ILDR2: variants seen among roughly 807,000 people sequenced by gnomAD.
ILDR2 encodes the protein immunoglobulin like domain containing receptor 2, also known as immunoglobulin-like domain-containing receptor 2.
ILDR2 carries 25 observed loss-of-function variants against 66.8 expected under a neutral mutation model. The ratio of observed to expected loss-of-function variants is 0.37; its 90% CI spans 0.27 to 0.52. The LOEUF (loss-of-function observed/expected upper bound fraction) is 0.52, where lower values mean the gene tolerates loss of function less well. Ranked by LOEUF, ILDR2 falls within the 20% of genes least tolerant of loss-of-function variation. The probability of loss-of-function intolerance (pLI) is 0.88; values close to 1 mark genes in which losing one functional copy is unlikely to be tolerated. For missense variants in ILDR2, 827 were observed against 876.8 expected (o/e 0.94, Z 0.72); for synonymous variants, 367 against 357.2 (o/e 1.03, Z -0.31).
chr1:166,915,524 T>C lies in ILDR2; in HGVS notation c.*3831A>G, dbSNP rs1470118899. On this transcript the variant is annotated 3_prime_UTR_variant, in exon 10 of 10. Coordinates refer to ENST00000271417, the MANE Select transcript of ILDR2 (RefSeq NM_199351.3). The stretch of plus-strand genomic sequence containing the variant: ...TTAACAGCAGCTATCAAGTTAATTC[T>C]TGTGGTTAGGCAATTTTGGGAAACA... 6.6e-6 allele frequency: 1 copy of C among 152,264 alleles called. No individual in the cohort carries two copies. The highest frequency in any genetic ancestry group is 2.4e-5 in the African/African-American group (1 of 41,470). The allele number at this position is 152,264 out of a possible 1,614,324, so 9.4% of individuals were successfully genotyped here. A position where few individuals can be genotyped will look rare whatever the true frequency, so the allele number is the denominator to read the frequency against.
chr1:166,969,629 G>A (rs552988938), intron 1 of ILDR2, among the ~76,000 whole-genome samples: 8 of 152,216 alleles, frequency 5.3e-5, no homozygotes, highest in South Asian at 4.2e-4. Context: ...ATTTCATTAC[G>A]AAAAACTAAC....
chr1:166,927,279 A>C (rs535497991), intron 6 of ILDR2, 99 bp from the exon 7 acceptor site: 2 of 728,622 alleles, frequency 2.7e-6, no homozygotes, highest in East Asian at 5.0e-5. Context: ...GTTTCCAATT[A>C]TAACAACTCT....
intron 1 of ILDR2, among the ~76,000 whole-genome samples, chr1:166,965,470 G>A (rs147614861): frequency 6.1e-4 from 92 of 151,758 alleles, no homozygotes; most frequent in African/African-American, 1.5e-3. Flanking sequence ...GTAGGCACCC[G>A]TAAAGTTTCA....
chr1:166,972,460 A>C (rs567764593), intron 1 of ILDR2, among the ~76,000 whole-genome samples: 1 of 152,342 alleles, frequency 6.6e-6, no homozygotes, highest in Admixed American at 6.5e-5. Flanking sequence ...CTGTTGCTAA[A>C]ATAGCAGCTG....
rs541053844 is a variant in ILDR2, at chr1:166,934,816, C to T, written c.880+485G>A. Among the ~76,000 whole-genome samples the T allele has an allele frequency of 3.3e-5, 5 of 152,326 alleles. No individual in the cohort carries two copies. The East Asian group carries it at 9.6e-4, about 29-fold the overall frequency. On this transcript the variant is annotated intron_variant, in intron 6 of 9. Transcript: ENST00000271417. Reference sequence around the variant, plus strand: ...GGCTCAGCTCAAATTTCACCTCCTCCCTGAAGATTTTGTGACCAGTCCAGT... The same window carrying T: ...GGCTCAGCTCAAATTTCACCTCCTCTCTGAAGATTTTGTGACCAGTCCAGT...
At chr1:166,898,679 A>ATTTACTT (rs1289514240) in intron 2 of ILDR2, among the ~76,000 whole-genome samples, 1 of 152,196 alleles carries the variant, frequency 6.6e-6, no homozygotes, top group African/African-American at 2.4e-5. Context: ...TGATGAGATC[A>ATTTACTT]TTTACTTTTC....
chr1:166,900,651 G>A (rs1232412983), intron 2 of ILDR2, among the ~76,000 whole-genome samples: 2 of 152,146 alleles, frequency 1.3e-5, no homozygotes, highest in Admixed American at 1.3e-4. Context: ...TGGCAAAGAC[G>A]GGATTTGAAT....
chr1:166,927,289 T>C, intron 6 of ILDR2, 109 bp from the exon 7 acceptor site: 1 of 692,090 alleles, frequency 1.4e-6, no homozygotes, highest in Admixed American at 2.5e-5. Context: ...ATAACAACTC[T>C]TTTTGAAATC....
intron 2 of ILDR2, among the ~76,000 whole-genome samples, chr1:166,897,597 G>C (rs568674955): frequency 6.6e-6 from 1 of 152,202 alleles, no homozygotes; most frequent in Non-Finnish European, 1.5e-5. Flanking sequence ...TGGAGATTGA[G>C]TTCAATCACA....
chr1:166,952,531 C>A (rs1393696662), intron 3 of ILDR2, among the ~76,000 whole-genome samples: 1 of 152,138 alleles, frequency 6.6e-6, no homozygotes, highest in Admixed American at 6.5e-5. Context: ...TTGGATATTT[C>A]TGAAACCACT....
chr1:166,956,640 T>C (rs1662299759), intron 3 of ILDR2, 93 bp downstream of exon 3: 2 of 1,400,140 alleles, frequency 1.4e-6, no homozygotes, highest in African/African-American at 1.4e-5. Context: ...TGCAACCTGC[T>C]AATGCACACA....
chr1:166,930,757 A>G (rs1660595737), intron 6 of ILDR2, among the ~76,000 whole-genome samples: 1 of 152,060 alleles, frequency 6.6e-6, no homozygotes, highest in Non-Finnish European at 1.5e-5. Flanking sequence ...CCCAGCAACC[A>G]CCTGGTAGAC....
intron 3 of ILDR2, among the ~76,000 whole-genome samples, chr1:166,955,218 A>G (rs2101972960): frequency 6.6e-6 from 1 of 152,316 alleles, no homozygotes; most frequent in African/African-American, 2.4e-5. Flanking sequence ...ACAAGTCACA[A>G]GTTACACTTT....
Position 166,934,925 on chromosome 1 carries a change from G to A in ILDR2, c.880+376C>T, listed in dbSNP as rs72707819. On this transcript the variant is annotated intron_variant, in intron 6 of 9. Coordinates refer to ENST00000271417, the MANE Select transcript of ILDR2 (RefSeq NM_199351.3). Reference sequence around the variant, plus strand: ...AAAGGTCCGTTCTCTCCCTGACCAGGCCATGCTGCTTGTCAGAGAAACCAT... The same window carrying A: ...AAAGGTCCGTTCTCTCCCTGACCAGACCATGCTGCTTGTCAGAGAAACCAT... 8.1e-3 allele frequency among the ~76,000 whole-genome samples: 1,226 copies of A among 152,264 alleles called. 9 individuals carry two copies. Among genetic ancestry groups the A allele is most frequent in the Admixed American group, 0.012 (190 of 15,296 alleles).
At chr1:166,967,110 G>A (rs543716321) in intron 1 of ILDR2, among the ~76,000 whole-genome samples, 1 of 152,274 alleles carries the variant, frequency 6.6e-6, no homozygotes, top group African/African-American at 2.4e-5. Flanking sequence ...GCTAAGTGTG[G>A]CCATGTGACT....
downstream of ILDR2, among the ~76,000 whole-genome samples, chr1:166,907,614 C>T (rs900557728): frequency 2.3e-4 from 35 of 151,952 alleles, no homozygotes; most frequent in Non-Finnish European, 4.1e-4. Flanking sequence ...ATTCTGGAAT[C>T]GAAAGAAAGT....
Position 166,910,442 on chromosome 1 carries a change from T to C in ILDR2, c.*8913A>G, listed in dbSNP as rs1659450417. ...CCAAATTCATCTATATAAATTCATA[T>C]ATAGCATTAAAATAAGCTATATAAA... On this transcript the variant is annotated 3_prime_UTR_variant, in exon 10 of 10. Coordinates refer to ENST00000271417, the MANE Select transcript of ILDR2 (RefSeq NM_199351.3). 6.6e-6 allele frequency: 1 copy of C among 152,250 alleles called. No homozygotes were observed. The highest frequency in any genetic ancestry group is 1.5e-5 in the Non-Finnish European group (1 of 68,036). The allele number at this position is 152,250 out of a possible 1,614,324, so 9.4% of individuals were successfully genotyped here.
intron 6 of ILDR2, 100 bp from the exon 7 acceptor site, chr1:166,927,280 T>C (rs1660357682): frequency 1.4e-6 from 1 of 723,576 alleles, no homozygotes; most frequent in East Asian, 2.5e-5. Flanking sequence ...TTTCCAATTA[T>C]AACAACTCTT....
chr1:166,952,892 G>C (rs916286629), intron 3 of ILDR2, among the ~76,000 whole-genome samples: 4 of 152,036 alleles, frequency 2.6e-5, no homozygotes, highest in African/African-American at 4.8e-5. Flanking sequence ...TTTTAACTAG[G>C]ATATTAGGCA....
Sources: allele counts gnomAD v4.1 joint callset (sites outside exome capture counted in the v4.1 genomes callset), GRCh38; gene constraint gnomAD v4.1.1; transcripts MANE v1.5; gene names NCBI Gene and HGNC (gene_info 2026-07-23, HGNC 2026-07-21).